Variants in PJA2 observed in about 807,000 individuals in gnomAD.
PJA2 encodes the protein praja ring finger ubiquitin ligase 2, also known as E3 ubiquitin-protein ligase Praja-2.
In PJA2, 25 loss-of-function variants were observed where a neutral mutation model predicts 69.3. The observed-to-expected ratio is 0.36, with a 90% CI of 0.26 to 0.50. PJA2 has a LOEUF of 0.50. Ranked by LOEUF, PJA2 falls within the 20% of genes least tolerant of loss-of-function variation. The pLI is 0.96. For missense variants in PJA2, 809 were observed against 830.2 expected (o/e 0.97, Z 0.31); for synonymous variants, 308 against 277.8 (o/e 1.11, Z -1.08).
intron 1 of PJA2, among the ~76,000 whole-genome samples, chr5:109,405,251 CA>C (rs1747657014): frequency 6.6e-6 from 1 of 152,170 alleles, no homozygotes; most frequent in Admixed American, 6.5e-5. Flanking sequence ...CTTCATGCTG[CA>C]ACTACAAAAT....
Position 109,403,862 on chromosome 5 carries a change from G to A in PJA2, c.-88+5980C>T, listed in dbSNP as rs143670437. On this transcript the variant is annotated intron_variant, in intron 1 of 9. Transcript: ENST00000361189. ...CAAGGCGGGCAGATCACGAGGTGAG[G>A]AGTTCAAGACCAGCCTGGCCAACAT... Among the ~76,000 whole-genome samples the A allele has an allele frequency of 2.0e-3, 300 of 151,692 alleles. 1 individual carries two copies. The highest frequency in any genetic ancestry group is 7.1e-3 in the African/African-American group (292 of 41,390).
chr5:109,373,739 A>G (rs1233488104), intron 4 of PJA2, among the ~76,000 whole-genome samples: 1 of 152,212 alleles, frequency 6.6e-6, no homozygotes, highest in Non-Finnish European at 1.5e-5. Context: ...GATCCCTTTT[A>G]GCACCTAAGA....
At chr5:109,401,288 A>G (rs1031126444) in intron 1 of PJA2, among the ~76,000 whole-genome samples, 2 of 152,102 alleles carry the variant, frequency 1.3e-5, no homozygotes, top group Admixed American at 1.3e-4. Flanking sequence ...TGTCTCAAAA[A>G]CAACCGCTAC....
At chr5:109,358,858 G>A (rs1254511472) in intron 6 of PJA2, among the ~76,000 whole-genome samples, 1 of 152,064 alleles carries the variant, frequency 6.6e-6, no homozygotes, top group Non-Finnish European at 1.5e-5. Context: ...AATTGTTTCA[G>A]ACAAGAACCA....
chr5:109,368,875 G>A (rs1727911268), intron 4 of PJA2, 129 bp from the exon 5 acceptor site: 1 of 926,898 alleles, frequency 1.1e-6, no homozygotes, highest in Admixed American at 2.8e-5. Context: ...AATCCAAAAT[G>A]TTGGAGATGG....
At chr5:109,381,429 C>T in intron 3 of PJA2, 74 bp downstream of exon 3, 1 of 1,255,954 alleles carries the variant, frequency 8.0e-7, no homozygotes, top group Non-Finnish European at 1.1e-6. Flanking sequence ...GCATAATACC[C>T]ACCCAAAAAT....
chr5:109,346,075 C>A (rs569396053), intron 7 of PJA2, among the ~76,000 whole-genome samples: 39 of 152,316 alleles, frequency 2.6e-4, no homozygotes, highest in African/African-American at 8.9e-4. Context: ...CTGCATAAGT[C>A]CTGTCTCTTC....
rs1209047003 is a variant in PJA2, at chr5:109,368,772, A to G, written c.1284-26T>C. On this transcript the variant is annotated intron_variant, in intron 4 of 9. Coordinates refer to ENST00000361189, the MANE Select transcript of PJA2 (RefSeq NM_014819.5). Reference sequence around the variant, plus strand: ...CTGCAAATCAGAAGAGAAATAAACTATCATAATGTGTTCAGTTATTTTTAT... The same window carrying G: ...CTGCAAATCAGAAGAGAAATAAACTGTCATAATGTGTTCAGTTATTTTTAT... The G allele has an allele frequency of 2.5e-6, 4 of 1,589,338 alleles. No individual in the cohort carries two copies. In the South Asian group the frequency reaches 4.6e-5, roughly 18 times the overall value.
At chr5:109,383,561 C>A (rs1747097137) in intron 1 of PJA2, 41 bp from the exon 2 acceptor site, 7 of 718,666 alleles carry the variant, frequency 9.7e-6, no homozygotes, top group Non-Finnish European at 1.6e-5. Context: ...TTAATAAAAG[C>A]ACAAAAATAG....
intron 1 of PJA2, among the ~76,000 whole-genome samples, chr5:109,385,510 G>C (rs1422401776): frequency 6.6e-6 from 1 of 152,204 alleles, no homozygotes; most frequent in African/African-American, 2.4e-5. Context: ...AATATATTCA[G>C]TTCAGTTTTG....
At chr5:109,372,704 G>A (rs1053798333) in intron 4 of PJA2, among the ~76,000 whole-genome samples, 5 of 151,764 alleles carry the variant, frequency 3.3e-5, no homozygotes, top group African/African-American at 1.2e-4. Context: ...TCGGGAGCTC[G>A]AGACCAGCCT....
Position 109,337,359 on chromosome 5 carries a change from G to A in PJA2, c.2002-3C>T. ...CGGCACACAGGGCATGTTCCCGACT[G>A]GAGAAAAAAAAAATGTTAAGAGCCA... On this transcript the variant is annotated splice_polypyrimidine_tract_variant and splice_region_variant and intron_variant, in intron 9 of 9. Coordinates refer to ENST00000361189, the MANE Select transcript of PJA2 (RefSeq NM_014819.5). The A allele has an allele frequency of 3.2e-6, 5 of 1,579,120 alleles. No homozygotes were observed. The highest frequency in any genetic ancestry group is 4.3e-6 in the Non-Finnish European group (5 of 1,167,290).
At chr5:109,356,079 C>T in intron 6 of PJA2, 53 bp from the exon 7 acceptor site, 1 of 1,211,624 alleles carries the variant, frequency 8.3e-7, no homozygotes. Context: ...TTTGGGAAAT[C>T]TTATGCTGAG....
Position 109,362,947 on chromosome 5 carries a change from C to G in PJA2, c.1545G>C (p.Glu515Asp). Reference protein sequence around the residue: ...YNEVNESSSDEGNEPANEFAQ... With the variant: ...YNEVNESSSDDGNEPANEFAQ... ...CAAATTCATTGGCAGGTTCATTTCC[C>G]TCATCACTGCTGCTTTCATTGACTT... The change falls in exon 6 of 10, where the codon GAG (glutamate) becomes GAC (aspartate). Residue 515 changes from glutamate (E) to aspartate (D), a missense_variant. By Grantham distance (45) the Glu-to-Asp change is conservative. Around this residue, in one of 4 missense-constraint regions of PJA2, gnomAD observed 700 missense variants for 639.5 expected, o/e 1.09. Transcript: ENST00000361189. 6.2e-7 allele frequency: 1 copy of G among 1,613,896 alleles called. No individual in the cohort carries two copies. Among genetic ancestry groups the G allele is most frequent in the Non-Finnish European group, 8.5e-7 (1 of 1,179,846 alleles).
At chr5:109,388,218 C>T (rs1404636955) in intron 1 of PJA2, among the ~76,000 whole-genome samples, 6 of 152,112 alleles carry the variant, frequency 3.9e-5, no homozygotes. Context: ...ACAGAAAGCC[C>T]ACATGGTGAA....
At chr5:109,347,600 GCCC>G (rs1298492274) in intron 7 of PJA2, among the ~76,000 whole-genome samples, 1 of 152,218 alleles carries the variant, frequency 6.6e-6, no homozygotes, top group Non-Finnish European at 1.5e-5. Flanking sequence ...AGTTTCTCTT[GCCC>G]CAGAGGGCAG....
At chr5:109,406,342 C>T (rs140954884) in intron 1 of PJA2, among the ~76,000 whole-genome samples, 1 of 152,204 alleles carries the variant, frequency 6.6e-6, no homozygotes, top group Middle Eastern at 3.4e-3. Context: ...GCCAGGCCCA[C>T]CCATTGTTGT....
In PJA2 at chr5:109,336,348, C is replaced by A. The variant is rs1761939174; in HGVS notation, c.*883G>T. On this transcript the variant is annotated 3_prime_UTR_variant, in exon 10 of 10. Transcript: ENST00000361189. Reference sequence around the variant, plus strand: ...ACAAAGATGACCCTGTGCAAGTTTTCAGACCTTCCAAAATACTGTAGAAGC... The same window carrying A: ...ACAAAGATGACCCTGTGCAAGTTTTAAGACCTTCCAAAATACTGTAGAAGC... The A allele has an allele frequency of 6.6e-6, 1 of 152,168 alleles. No individual in the cohort carries two copies. Among genetic ancestry groups the A allele is most frequent in the South Asian group, 2.1e-4 (1 of 4,830 alleles). The allele number at this position is 152,168 out of a possible 1,614,324, so 9.4% of individuals were successfully genotyped here.
chr5:109,343,191 T>A (rs1327777197), intron 9 of PJA2, among the ~76,000 whole-genome samples: 3 of 122,318 alleles, frequency 2.5e-5, no homozygotes, highest in East Asian at 4.3e-4. Context: ...GGGATCCTGT[T>A]GATCTGTGAC....
Sources: allele counts gnomAD v4.1 joint callset (sites outside exome capture counted in the v4.1 genomes callset), GRCh38; gene constraint gnomAD v4.1.1; regional missense constraint gnomAD v4.1.1; transcripts MANE v1.5; gene names NCBI Gene and HGNC (gene_info 2026-07-23, HGNC 2026-07-21).